Variants in PRELID2 observed in about 807,000 individuals in gnomAD.
PRELID2 encodes the protein PRELI domain containing 2, also known as PRELI domain-containing protein 2.
Under a neutral mutation model 28.4 loss-of-function variants are expected in PRELID2, and 25 were observed. That is an observed-to-expected ratio of 0.88 (90% CI 0.64 to 1.23). PRELID2 has a LOEUF of 1.23. PRELID2 is among the 50% of genes most tolerant of loss of function. The probability of loss-of-function intolerance (pLI) is 0.00; values close to 1 mark genes in which losing one functional copy is unlikely to be tolerated. For missense variants in PRELID2, 201 were observed against 214.4 expected, an observed-to-expected ratio of 0.94 and a Z score of 0.39; for synonymous variants, 76 against 71.6, an observed-to-expected ratio of 1.06 and a Z score of -0.31.
At chr5:145,412,701 A>T in the PRELID2 span, among the ~76,000 whole-genome samples, 1 of 151,866 alleles carries the variant, frequency 6.6e-6, no homozygotes, top group Non-Finnish European at 1.5e-5. Context: ...GCAGCTCCCC[A>T]CTCCTGGTAC....
At chr5:145,491,908 T>C (rs150786771) in intron 1 of PRELID2, among the ~76,000 whole-genome samples, 3 of 152,332 alleles carry the variant, frequency 2.0e-5, no homozygotes, top group African/African-American at 7.2e-5. Flanking sequence ...GTACTCCAGT[T>C]TGTATATATA....
chr5:145,630,953 T>A (rs1283463735), intron 1 of PRELID2, among the ~76,000 whole-genome samples: 1 of 152,224 alleles, frequency 6.6e-6, no homozygotes, highest in Non-Finnish European at 1.5e-5. Flanking sequence ...CTGAGTACCA[T>A]GCAGTTTGGG....
rs117767943 is a variant in PRELID2 at position 145,648,034 on chromosome 5, A to C, written n.70+116897T>G. 5.3e-4 allele frequency among the ~76,000 whole-genome samples: 80 copies of C among 152,328 alleles called. No individual in the cohort carries two copies. In the East Asian group the frequency reaches 0.013, roughly 25 times the overall value. ...TGGAGATTTTTATACACGACTAGGG[A>C]AGACAGACATTGCTTCACTGCCCAT... On this transcript the variant is annotated intron_variant and non_coding_transcript_variant, in intron 1 of 2. Coordinates refer to the PRELID2 transcript ENST00000510259.
the PRELID2 span, chr5:145,436,923 C>T: frequency 1.5e-3 from 234 of 152,274 alleles, no homozygotes; most frequent in African/African-American, 5.5e-3. Flanking sequence ...TCAAGGTCTC[C>T]CGTTATCTTA....
At chr5:145,374,017 C>T in the PRELID2 span, among the ~76,000 whole-genome samples, 1 of 148,468 alleles carries the variant, frequency 6.7e-6, no homozygotes, top group African/African-American at 2.5e-5. Flanking sequence ...GAATCTGATC[C>T]TGTCACCATG....
At chr5:145,453,507 A>G in the PRELID2 span, among the ~76,000 whole-genome samples, 3 of 152,160 alleles carry the variant, frequency 2.0e-5, no homozygotes, top group African/African-American at 7.2e-5. Context: ...ATACATGTGC[A>G]GAACGTGCAG....
the PRELID2 span, among the ~76,000 whole-genome samples, chr5:145,378,984 G>C: frequency 6.6e-6 from 1 of 151,974 alleles, no homozygotes; most frequent in South Asian, 2.1e-4. Context: ...ATTAGATGAA[G>C]TTTGGATTAT....
At chr5:145,229,181 C>T in the PRELID2 span, 64 of 891,400 alleles carry the variant, frequency 7.2e-5, 1 homozygote, top group South Asian at 3.8e-4. Context: ...GAAAGGGGAA[C>T]GATCAGGTCC....
chr5:145,797,293 AG>A (rs1380111747), intron 4 of PRELID2, among the ~76,000 whole-genome samples: 1 of 150,790 alleles, frequency 6.6e-6, no homozygotes, highest in African/African-American at 2.5e-5. Flanking sequence ...AAGAATTAGC[AG>A]CACCCAGGTA....
chr5:145,336,538 C>G, the PRELID2 span, among the ~76,000 whole-genome samples: 1 of 151,984 alleles, frequency 6.6e-6, no homozygotes, highest in South Asian at 2.1e-4. Flanking sequence ...GGAATCCTTT[C>G]CCCATTGCTT....
chr5:145,471,203 T>C (rs1395607123), downstream of PRELID2, among the ~76,000 whole-genome samples: 2 of 152,148 alleles, frequency 1.3e-5, no homozygotes, highest in Non-Finnish European at 2.9e-5. Flanking sequence ...TCACCAGCTA[T>C]ATGGAGGAAG....
the PRELID2 span, among the ~76,000 whole-genome samples, chr5:145,408,538 A>T: frequency 3.3e-5 from 5 of 149,958 alleles, no homozygotes; most frequent in Non-Finnish European, 7.4e-5. Flanking sequence ...AGAAAAGACA[A>T]TCACAACTTC....
At chr5:145,552,903 T>G (rs1752849537) in intron 1 of PRELID2, among the ~76,000 whole-genome samples, 1 of 152,224 alleles carries the variant, frequency 6.6e-6, no homozygotes, top group African/African-American at 2.4e-5. Flanking sequence ...TTACTGAGAA[T>G]CCTCAATGTT....
chr5:145,415,040 A>G, the PRELID2 span, among the ~76,000 whole-genome samples: 5 of 152,176 alleles, frequency 3.3e-5, no homozygotes, highest in Non-Finnish European at 7.3e-5. Flanking sequence ...AACAGAATAT[A>G]CATTCTTATC....
At chr5:145,773,470 CATGCAAAAT>C (rs1758227503) in intron 5 of PRELID2, among the ~76,000 whole-genome samples, 1 of 152,224 alleles carries the variant, frequency 6.6e-6, no homozygotes, top group Non-Finnish European at 1.5e-5. Context: ...ACTTGCACTT[CATGCAAAAT>C]ATGGCCTCTC....
chr5:145,646,466 A>AT, intron 1 of PRELID2, among the ~76,000 whole-genome samples: 1 of 152,150 alleles, frequency 6.6e-6, no homozygotes, highest in Non-Finnish European at 1.5e-5. Context: ...GCTTCCTTGC[A>AT]TTTGGTTAGA....
At chr5:145,694,524 C>A (rs565395755) in intron 1 of PRELID2, among the ~76,000 whole-genome samples, 36 of 152,226 alleles carry the variant, frequency 2.4e-4, no homozygotes, top group Non-Finnish European at 4.7e-4. Context: ...TAATGTACAG[C>A]TTCAGACTTT....
chr5:145,753,285 G>A (rs1757174041), downstream of PRELID2, among the ~76,000 whole-genome samples: 4 of 152,150 alleles, frequency 2.6e-5, no homozygotes, highest in Admixed American at 1.3e-4. Flanking sequence ...CTTAAGGTCC[G>A]GCCCTGCAGT....
chr5:145,684,653 G>A (rs1304894093), intron 1 of PRELID2, among the ~76,000 whole-genome samples: 2 of 152,208 alleles, frequency 1.3e-5, no homozygotes, highest in African/African-American at 2.4e-5. Flanking sequence ...CTAAGAGTAA[G>A]TGAAGAGCTG....
Sources: gnomAD v4.1 joint callset for allele counts (sites outside exome capture counted in the v4.1 genomes callset) on GRCh38, gnomAD v4.1.1 for gene constraint, MANE v1.5 for transcripts, NCBI Gene and HGNC (gene_info 2026-07-23, HGNC 2026-07-21) for gene names.